The following RAB11FIP3 variants were observed in gnomAD, a reference collection of about 807,000 sequenced individuals.
The protein encoded by RAB11FIP3 is rab11 family-interacting protein 3.
A neutral mutation model predicts 77.8 loss-of-function variants in RAB11FIP3; 17 were observed. That is an observed-to-expected ratio of 0.22 (90% CI 0.15 to 0.33). The LOEUF is 0.33. Among genes scored for constraint, RAB11FIP3 ranks in the 10% least tolerant of loss-of-function variants. RAB11FIP3 has a pLI of 1.00. For synonymous variants in RAB11FIP3, 437 were observed against 448.2 expected (o/e 0.98, Z 0.31); for missense variants, 1,005 against 1,011.2 (o/e 0.99, Z 0.08).
At chr16:450,428 C>G (rs1337869747) in intron 1 of RAB11FIP3, among the ~76,000 whole-genome samples, 1 of 152,120 alleles carries the variant, frequency 6.6e-6, no homozygotes, top group Non-Finnish European at 1.5e-5. Context: ...TCAAGTGATC[C>G]CCTGGCCTCC....
In RAB11FIP3 at chr16:426,750, A is replaced by G; in HGVS notation, c.714+30A>G. Reference sequence around the variant, plus strand: ...GGAGCGGCCCGGGCCGGGGCGTGGGAACTGGGCAGGTGCGCGCTGGCCGGC... The same window carrying G: ...GGAGCGGCCCGGGCCGGGGCGTGGGGACTGGGCAGGTGCGCGCTGGCCGGC... On this transcript the variant is annotated intron_variant, in intron 1 of 13. Transcript: ENST00000262305. The surrounding 1 kb of genome is among the most constrained non-coding windows in gnomAD (Gnocchi z 5.0). The G allele has an allele frequency of 6.9e-7, 1 of 1,457,704 alleles. No homozygotes were observed. Among genetic ancestry groups the G allele is most frequent in the Non-Finnish European group, 9.1e-7 (1 of 1,101,822 alleles). 90.3% of individuals were successfully genotyped at this position (1,457,704 alleles called of 1,614,324 possible).
chr16:426,150 C>A lies in RAB11FIP3; in HGVS notation c.144C>A (p.Pro48=), dbSNP rs1214800133. The part of the protein sequence containing the change: ...ELRLGAPVGG[P]DPQSPGLDEP... Reference sequence around the variant, plus strand: ...GCCTCGGAGCGCCCGTCGGCGGCCCCGACCCGCAGTCCCCGGGCCTGGATG... The same window carrying A: ...GCCTCGGAGCGCCCGTCGGCGGCCCAGACCCGCAGTCCCCGGGCCTGGATG... Residue 48 remains proline (P), a synonymous_variant, in exon 1 of 14, where the codon CCC becomes CCA. Transcript: ENST00000262305. This position sits in a 1 kb window ranked among gnomAD's most constrained non-coding sequence, Gnocchi z 5.0. 22 of 1,014,196 alleles carry A rather than the reference C, an allele frequency of 2.2e-5. No homozygotes were observed. The highest frequency in any genetic ancestry group is 9.5e-5 in the East Asian group (1 of 10,516). 62.8% of individuals were successfully genotyped at this position (1,014,196 alleles called of 1,614,324 possible).
intron 9 of RAB11FIP3, among the ~76,000 whole-genome samples, chr16:513,100 TA>T (rs1258786288): frequency 2.6e-5 from 4 of 152,236 alleles, no homozygotes; most frequent in African/African-American, 9.6e-5. Flanking sequence ...TGATTTTCTG[TA>T]AAAGTTAAAA....
At chr16:476,463 G>A (rs2055910031) in intron 3 of RAB11FIP3, among the ~76,000 whole-genome samples, 1 of 152,190 alleles carries the variant, frequency 6.6e-6, no homozygotes, top group East Asian at 1.9e-4. Context: ...CCCTTCGTAG[G>A]ACAGATGCTC....
chr16:477,459 G>C (rs920285849), intron 3 of RAB11FIP3, among the ~76,000 whole-genome samples: 17 of 152,192 alleles, frequency 1.1e-4, no homozygotes, highest in Non-Finnish European at 2.5e-4. Flanking sequence ...TCTCGGACCT[G>C]TGCGCTGGGC....
rs1305969879 is a variant in RAB11FIP3, at chr16:505,421, T to C, written c.1396-103T>C. On this transcript the variant is annotated intron_variant, in intron 7 of 13. Transcript: ENST00000262305. This position sits in a 1 kb window ranked among gnomAD's most constrained non-coding sequence, Gnocchi z 4.0. ...CAGCCTAGCTAGGTGGATCTGATTC[T>C]GTGCTGAGAAAATCCCCAGGCGGCC... is the stretch of plus-strand genomic sequence containing the variant. 2 of 838,612 alleles carry C rather than the reference T, an allele frequency of 2.4e-6. No individual in the cohort carries two copies. The highest frequency in any genetic ancestry group is 3.7e-6 in the Non-Finnish European group (2 of 541,502). 51.9% of individuals were successfully genotyped at this position (838,612 alleles called of 1,614,324 possible).
In RAB11FIP3 at chr16:460,506, A is replaced by G. The variant is rs143279190; in HGVS notation, c.715-898A>G. Among the ~76,000 whole-genome samples the G allele has an allele frequency of 2.1e-3, 313 of 151,934 alleles. 2 individuals carry two copies. Among genetic ancestry groups the G allele is most frequent in the African/African-American group, 6.8e-3 (281 of 41,412 alleles). On this transcript the variant is annotated intron_variant, in intron 1 of 13. Transcript: ENST00000262305. Reference sequence around the variant, plus strand: ...AATTTTTAAATTTTTATGAAATCCAATTTACACTTGGCAGAATAAACCTGC... The same window carrying G: ...AATTTTTAAATTTTTATGAAATCCAGTTTACACTTGGCAGAATAAACCTGC...
chr16:462,351 A>C (rs1034507988), intron 2 of RAB11FIP3, among the ~76,000 whole-genome samples: 5 of 152,174 alleles, frequency 3.3e-5, no homozygotes, highest in Admixed American at 2.6e-4. Context: ...CTGGGATTAT[A>C]GGCACCCACC....
rs2055609596 is a variant in RAB11FIP3 at position 461,701 on chromosome 16, CG to C, written c.808+205del. Reference sequence around the variant, plus strand: ...ATACCCTGTTTTCCAGAATTTGCTGCGTTAACTACTTTTCCATAATGCTAGA... The same window carrying C: ...ATACCCTGTTTTCCAGAATTTGCTGCTTAACTACTTTTCCATAATGCTAGA... On this transcript the variant is annotated intron_variant, in intron 2 of 13. Coordinates refer to ENST00000262305, the MANE Select transcript of RAB11FIP3 (RefSeq NM_014700.4). This position sits in a 1 kb window ranked among gnomAD's most constrained non-coding sequence, Gnocchi z 4.5. Among the ~76,000 whole-genome samples, 1 of 152,118 alleles carries C rather than the reference CG, an allele frequency of 6.6e-6. No individual in the cohort carries two copies. Among genetic ancestry groups the C allele is most frequent in the Non-Finnish European group, 1.5e-5 (1 of 68,032 alleles).
At chr16:442,079 C>T (rs577876532) in intron 1 of RAB11FIP3, among the ~76,000 whole-genome samples, 3 of 152,328 alleles carry the variant, frequency 2.0e-5, no homozygotes, top group East Asian at 3.9e-4. Flanking sequence ...CCTCGTGATC[C>T]GCCCACTTCG....
intron 6 of RAB11FIP3, among the ~76,000 whole-genome samples, chr16:499,490 C>T (rs921362572): frequency 2.6e-5 from 4 of 152,112 alleles, no homozygotes; most frequent in Non-Finnish European, 5.9e-5. Flanking sequence ...CACGGGTACC[C>T]TTTGGCATAA....
chr16:520,301 C>T (rs1322705835), intron 12 of RAB11FIP3, 24 bp downstream of exon 12: 3 of 1,545,268 alleles, frequency 1.9e-6, no homozygotes, highest in East Asian at 4.8e-5. Flanking sequence ...GGCCTCCCTC[C>T]CTCACACTCC....
intron 5 of RAB11FIP3, among the ~76,000 whole-genome samples, chr16:494,269 C>T (rs1024619600): frequency 1.3e-5 from 2 of 151,198 alleles, no homozygotes; most frequent in African/African-American, 2.4e-5. Context: ...GTAAACTGAA[C>T]GATGAGTCTG....
rs939804959 is a variant in RAB11FIP3, at chr16:426,612, G to C, written c.606G>C (p.Glu202Asp). Residue 202 changes from glutamate to aspartate, a missense_variant, in exon 1 of 14, where the codon GAG becomes GAC. Glu to Asp is a conservative substitution (Grantham distance 45, BLOSUM62 2). Coordinates refer to ENST00000262305, the MANE Select transcript of RAB11FIP3 (RefSeq NM_014700.4). This position sits in a 1 kb window ranked among gnomAD's most constrained non-coding sequence, Gnocchi z 5.0. ...PLPSEPVGSQ[E>D]DGPRLRAVFD... ...CGAGCGAGCCCGTGGGGAGTCAGGA[G>C]GACGGCCCCCGCCTCCGAGCCGTGT... 3 of 1,595,608 alleles carry C rather than the reference G, an allele frequency of 1.9e-6. No homozygotes were observed. Among genetic ancestry groups the C allele is most frequent in the Non-Finnish European group, 2.6e-6 (3 of 1,172,074 alleles).
intron 1 of RAB11FIP3, among the ~76,000 whole-genome samples, chr16:430,096 T>C (rs1204509): frequency 0.65 from 98,586 of 151,928 alleles, 34,134 homozygotes; most frequent in African/African-American, 0.89. Flanking sequence ...GTTATATTTT[T>C]TTGAAACAGG....
At chr16:444,812 A>C (rs751496836) in intron 1 of RAB11FIP3, among the ~76,000 whole-genome samples, 7 of 148,696 alleles carry the variant, frequency 4.7e-5, no homozygotes, top group Admixed American at 1.3e-4. Context: ...TAGCGAGACT[A>C]TCTCTATTAA....
rs1292832414 is a variant in RAB11FIP3, at chr16:514,507, G to C, written c.1640+3707G>C. ...GGATTTCAGGAGTGGAGCCTCAGTA[G>C]AGATGAGAGTTAAAGCTGAAAGGGC... On this transcript the variant is annotated intron_variant, in intron 9 of 13. Coordinates refer to ENST00000262305, the MANE Select transcript of RAB11FIP3 (RefSeq NM_014700.4). This position sits in a 1 kb window ranked among gnomAD's most constrained non-coding sequence, Gnocchi z 4.6. 6.6e-6 allele frequency among the ~76,000 whole-genome samples: 1 copy of C among 152,240 alleles called. No homozygotes were observed. The highest frequency in any genetic ancestry group is 1.5e-5 in the Non-Finnish European group (1 of 68,040).
chr16:484,726 C>T (rs1234819257), intron 4 of RAB11FIP3, among the ~76,000 whole-genome samples: 2 of 152,214 alleles, frequency 1.3e-5, no homozygotes, highest in African/African-American at 4.8e-5. Flanking sequence ...CGTGCTGCGA[C>T]TCTAGAGTTG....
intron 3 of RAB11FIP3, among the ~76,000 whole-genome samples, chr16:478,242 G>C (rs184207180): frequency 6.6e-6 from 1 of 151,640 alleles, no homozygotes; most frequent in Non-Finnish European, 1.5e-5. Flanking sequence ...TGCCAGGCTG[G>C]AGTGCAGTGG....
Sources: gnomAD v4.1 joint callset for allele counts (sites outside exome capture counted in the v4.1 genomes callset) on GRCh38, gnomAD v4.1.1 for gene constraint, Gnocchi (gnomAD v3.1) non-coding constraint, MANE v1.5 for transcripts, NCBI Gene and HGNC (gene_info 2026-07-23, HGNC 2026-07-21) for gene names.